SEMA4B: variants seen among roughly 807,000 people sequenced by gnomAD.
The protein encoded by SEMA4B is semaphorin 4B, also known as semaphorin-4B.
Under a neutral mutation model 88.1 loss-of-function variants are expected in SEMA4B, and 55 were observed. The observed-to-expected ratio is 0.62, with a 90% CI of 0.50 to 0.78. The LOEUF (loss-of-function observed/expected upper bound fraction) is 0.78, where lower values mean the gene tolerates loss of function less well. Ranked by LOEUF, SEMA4B falls within the 30% of genes least tolerant of loss-of-function variation. The pLI is 0.00. For synonymous variants in SEMA4B, 525 were observed against 473.6 expected, an observed-to-expected ratio of 1.11 and a Z score of -1.41; for missense variants, 1,062 against 1,111.9, an observed-to-expected ratio of 0.96 and a Z score of 0.64.
chr15:90,219,088 T>C (rs888236652), intron 3 of SEMA4B: 2 of 152,172 alleles, frequency 1.3e-5, no homozygotes, highest in Non-Finnish European at 2.9e-5. Context: ...GAAGCCTCCA[T>C]GGGGAAGGAC....
chr15:90,227,882 C>T, intron 13 of SEMA4B, 22 bp from the exon 14 acceptor site: 1 of 1,607,530 alleles, frequency 6.2e-7, no homozygotes. Context: ...ACCCCCCTAC[C>T]CCATGCCTTT....
chr15:90,227,449 A>C (rs1962227315), intron 12 of SEMA4B, 108 bp from the exon 13 acceptor site: 1 of 848,422 alleles, frequency 1.2e-6, no homozygotes, highest in Non-Finnish European at 1.9e-6. Context: ...TGGGTGGGGA[A>C]TCAGCTCAGG....
In SEMA4B at chr15:90,223,923, G is replaced by A. The variant is rs751403709; in HGVS notation, c.1129G>A (p.Val377Met). 4 of 1,613,776 alleles carry A rather than the reference G, an allele frequency of 2.5e-6. No individual in the cohort carries two copies. The highest frequency in any genetic ancestry group is 3.4e-6 in the Non-Finnish European group (4 of 1,179,908). Reference protein sequence around the residue: ...QRVFSGLYKEVNRETQQWYTV... With the variant: ...QRVFSGLYKEMNRETQQWYTV... ...AGTCTTCAGCGGCCTCTACAAGGAG[G>A]TGAACCGTGAGACACAGCAGTGGTA... is the stretch of plus-strand genomic sequence containing the variant. The change falls in exon 9 of 14, where the codon GTG becomes ATG. Residue 377 changes from valine to methionine, a missense_variant. Coordinates refer to ENST00000411539, the MANE Select transcript of SEMA4B (RefSeq NM_198925.4).
chr15:90,195,688 C>A (rs1471261586), intron 1 of SEMA4B, among the ~76,000 whole-genome samples: 1 of 152,156 alleles, frequency 6.6e-6, no homozygotes, highest in East Asian at 1.9e-4. Flanking sequence ...CAGCTCACTG[C>A]ACCCTTGACC....
rs770499028 is a variant in SEMA4B at position 90,220,953 on chromosome 15, C to T, written c.484-29C>T. On this transcript the variant is annotated intron_variant, in intron 4 of 13. Coordinates refer to ENST00000411539, the MANE Select transcript of SEMA4B (RefSeq NM_198925.4). ...CCTGCTCCTCATTCCCTGGAGTGCC[C>T]CTGAGCCCATGTGTCCACCCTCCTG... The T allele has an allele frequency of 2.8e-5, 41 of 1,472,688 alleles. No homozygotes were observed. The South Asian group carries it at 3.7e-4, about 13-fold the overall frequency. 91.2% of individuals were successfully genotyped at this position (1,472,688 alleles called of 1,614,324 possible). A position where few individuals can be genotyped will look rare whatever the true frequency, so the allele number is the denominator to read the frequency against.
At chr15:90,227,733 C>A in intron 13 of SEMA4B, 91 bp downstream of exon 13, 1 of 1,486,870 alleles carries the variant, frequency 6.7e-7, no homozygotes, top group Non-Finnish European at 9.2e-7. Flanking sequence ...AATGCCTTTC[C>A]TCACTTCCTT....
upstream of SEMA4B, among the ~76,000 whole-genome samples, chr15:90,198,207 G>A (rs1960579136): frequency 6.6e-6 from 1 of 151,932 alleles, no homozygotes; most frequent in Admixed American, 6.6e-5. Context: ...GTGAGCCACC[G>A]CGCCTGGCTG....
intron 1 of SEMA4B, among the ~76,000 whole-genome samples, chr15:90,214,650 A>AAAAAAAAG (rs1567053797): frequency 6.7e-6 from 1 of 149,920 alleles, no homozygotes. Flanking sequence ...AAAAAAAAAA[A>AAAAAAAAG]AAAAGGCTGA....
chr15:90,222,815 A>G (rs1961928374), intron 7 of SEMA4B, among the ~76,000 whole-genome samples: 1 of 151,932 alleles, frequency 6.6e-6, no homozygotes, highest in Non-Finnish European at 1.5e-5. Context: ...AAGCTCTTAG[A>G]AATGTGGTGG....
At chr15:90,192,756 A>T (rs1411450794) in intron 1 of SEMA4B, among the ~76,000 whole-genome samples, 1 of 151,800 alleles carries the variant, frequency 6.6e-6, no homozygotes, top group Non-Finnish European at 1.5e-5. Context: ...ATGCCTGGCT[A>T]ATTTTTGTAC....
chr15:90,200,948 A>G (rs949922554), upstream of SEMA4B, among the ~76,000 whole-genome samples: 1 of 152,206 alleles, frequency 6.6e-6, no homozygotes, highest in Non-Finnish European at 1.5e-5. Flanking sequence ...GGTCGCCAGG[A>G]GCAAGAGCGG....
rs1962394730 is a variant in SEMA4B, at chr15:90,229,486, C to A, written c.*843C>A. On this transcript the variant is annotated 3_prime_UTR_variant, in exon 14 of 14. Transcript: ENST00000411539. ...GAACTCAAACACGAGGAACTAACTG[C>A]ACCCTGGTCCTCTCCCCAGTCCCCA... The A allele has an allele frequency of 9.2e-6, 4 of 435,408 alleles. No homozygotes were observed. The highest frequency in any genetic ancestry group is 1.9e-5 in the Non-Finnish European group (4 of 215,552). The allele number at this position is 435,408 out of a possible 1,614,324, so 27.0% of individuals were successfully genotyped here.
Position 90,225,634 on chromosome 15 carries a change from T to C in SEMA4B, c.1522-27T>C, listed in dbSNP as rs913431016. On this transcript the variant is annotated intron_variant, in intron 11 of 13. Coordinates refer to ENST00000411539, the MANE Select transcript of SEMA4B (RefSeq NM_198925.4). ...GATGGCCCTGGCTGCCCATGCCCGC[T>C]TCTCATCCCCGTGTCTGGCTGTGCA... 1.9e-6 allele frequency: 3 copies of C among 1,553,742 alleles called. No homozygotes were observed. The African/African-American group carries it at 4.1e-5, about 21-fold the overall frequency.
chr15:90,204,795 A>T lies in SEMA4B; in HGVS notation c.157+3060A>T, dbSNP rs187062243. 3.9e-5 allele frequency among the ~76,000 whole-genome samples: 6 copies of T among 152,156 alleles called. 1 individual carries two copies. The highest frequency in any genetic ancestry group is 1.4e-4 in the African/African-American group (6 of 41,518). The stretch of plus-strand genomic sequence containing the variant: ...GGGAGTTATTATTATTGTTATTTTG[A>T]GATGGAGTTTCGCTCTGTCTCCCAG... On this transcript the variant is annotated intron_variant, in intron 1 of 13. Transcript: ENST00000411539.
chr15:90,226,972 AAAAG>A (rs1348496775), intron 12 of SEMA4B, among the ~76,000 whole-genome samples: 7 of 152,226 alleles, frequency 4.6e-5, no homozygotes, highest in African/African-American at 7.2e-5. Context: ...TTAATTAAAA[AAAAG>A]AAAAAGAGAG....
At chr15:90,219,519 A>G (rs1405076556) in intron 3 of SEMA4B, 1 of 424,586 alleles carries the variant, frequency 2.4e-6, no homozygotes, top group African/African-American at 2.0e-5. Flanking sequence ...GTACAACTCA[A>G]AGGGGTAGGA....
At chr15:90,219,726 G>C (rs1249389732) in intron 3 of SEMA4B, 67 bp from the exon 4 acceptor site, 1 of 1,276,150 alleles carries the variant, frequency 7.8e-7, no homozygotes, top group Non-Finnish European at 1.1e-6. Flanking sequence ...GGAAGGGGGG[G>C]CTCGGCGGTG....
chr15:90,220,512 T>C (rs190431383), intron 4 of SEMA4B, among the ~76,000 whole-genome samples: 4,033 of 151,340 alleles, frequency 0.027, 161 homozygotes, highest in African/African-American at 0.086. Context: ...GGACTACAGG[T>C]GCCCGCCACC....
At chr15:90,220,519 C>T (rs572879670) in intron 4 of SEMA4B, among the ~76,000 whole-genome samples, 2 of 152,002 alleles carry the variant, frequency 1.3e-5, no homozygotes, top group Admixed American at 1.3e-4. Context: ...AGGTGCCCGC[C>T]ACCACGCCTG....
Sources: gnomAD v4.1 joint callset for allele counts (sites outside exome capture counted in the v4.1 genomes callset) on GRCh38, gnomAD v4.1.1 for gene constraint, MANE v1.5 for transcripts, NCBI Gene and HGNC (gene_info 2026-07-23, HGNC 2026-07-21) for gene names.